Variants in KLRG1 observed in about 807,000 individuals in gnomAD.
KLRG1 encodes killer cell lectin like receptor G1.
A neutral mutation model predicts 21.8 loss-of-function variants in KLRG1; 16 were observed. The observed-to-expected ratio is 0.73, with a 90% CI of 0.50 to 1.11. The LOEUF (loss-of-function observed/expected upper bound fraction) is 1.11, where lower values mean the gene tolerates loss of function less well. Among genes scored for constraint, KLRG1 ranks in the 50% most tolerant of loss-of-function variants. The probability of loss-of-function intolerance (pLI) is 0.00; values close to 1 mark genes in which losing one functional copy is unlikely to be tolerated. For missense variants in KLRG1, 173 were observed against 218.3 expected, an observed-to-expected ratio of 0.79 and a Z score of 1.31; for synonymous variants, 69 against 75.9, an observed-to-expected ratio of 0.91 and a Z score of 0.47.
the KLRG1 span, chr12:9,074,592 G>A: frequency 6.2e-7 from 1 of 1,613,220 alleles, no homozygotes; most frequent in Non-Finnish European, 8.5e-7. Context: ...TGGGCATTCT[G>A]CTGCTTCGTG....
the KLRG1 span, among the ~76,000 whole-genome samples, chr12:9,202,888 C>A: frequency 6.6e-6 from 1 of 152,118 alleles, no homozygotes; most frequent in African/African-American, 2.4e-5. Context: ...GAACCCAGAT[C>A]TCCATGGAGT....
the KLRG1 span, among the ~76,000 whole-genome samples, chr12:9,056,564 G>GT: frequency 0.079 from 7,582 of 96,072 alleles, 213 homozygotes; most frequent in African/African-American, 0.12. Flanking sequence ...TTACTTGGGG[G>GT]GTGTGTGTGT....
the KLRG1 span, among the ~76,000 whole-genome samples, chr12:9,154,214 C>T: frequency 2.0e-5 from 3 of 152,136 alleles, no homozygotes; most frequent in Non-Finnish European, 2.9e-5. Context: ...CTGGAAGTGA[C>T]GTGCTACTGG....
chr12:9,113,015 G>A, the KLRG1 span, among the ~76,000 whole-genome samples: 1 of 151,816 alleles, frequency 6.6e-6, no homozygotes, highest in African/African-American at 2.4e-5. Context: ...ATGTGTTCCT[G>A]TCAGTCCACC....
downstream of KLRG1, among the ~76,000 whole-genome samples, chr12:9,013,471 G>A (rs2137466439): frequency 6.6e-6 from 1 of 152,168 alleles, no homozygotes; most frequent in Admixed American, 6.5e-5. Flanking sequence ...TGAAATTCAA[G>A]GTAACTGTGT....
At chr12:9,212,000 T>C in the KLRG1 span, among the ~76,000 whole-genome samples, 1 of 152,168 alleles carries the variant, frequency 6.6e-6, no homozygotes, top group African/African-American at 2.4e-5. Flanking sequence ...AGTCCACAGA[T>C]TGTAGGCTAG....
the KLRG1 span, chr12:9,076,879 C>T: frequency 5.6e-6 from 9 of 1,612,720 alleles, no homozygotes; most frequent in Middle Eastern, 1.7e-4. Context: ...TGGTCCCCTT[C>T]TTGTGCTGTC....
At chr12:9,149,575 G>A in the KLRG1 span, 1 of 1,613,104 alleles carries the variant, frequency 6.2e-7, no homozygotes, top group Non-Finnish European at 8.5e-7. Context: ...GCTGCAGGGG[G>A]CGATATACTC....
At chr12:8,986,222 C>T (rs770352114), upstream of KLRG1, among the ~76,000 whole-genome samples, 115 of 152,274 alleles carry the variant, frequency 7.6e-4, no homozygotes, top group Middle Eastern at 3.4e-3. Flanking sequence ...GTGGTTCACG[C>T]AGTGAACCCT....
chr12:9,011,430 T>C (rs1805670), downstream of KLRG1, among the ~76,000 whole-genome samples: 35,595 of 152,204 alleles, frequency 0.23, 4,870 homozygotes, highest in East Asian at 0.37. Flanking sequence ...CATTGCACAG[T>C]GGACTTCTTT....
intron 1 of KLRG1, among the ~76,000 whole-genome samples, chr12:8,957,905 G>C (rs1178836435): frequency 1.3e-5 from 2 of 152,144 alleles, no homozygotes; most frequent in Admixed American, 1.3e-4. Flanking sequence ...TCAGACCTCG[G>C]TTGACTACTG....
At position 8,967,446 on chromosome 12, in the gene KLRG1, G is replaced by C. The variant is rs1357557036; in HGVS notation, c.-156+17210G>C. On this transcript the variant is annotated intron_variant, in intron 1 of 4. Coordinates refer to the KLRG1 transcript ENST00000539240. ...TCTAAAAAATTAATAACCAGGCTGG[G>C]CCAGGTGGCTGACACCTGTAATCCC... 2.6e-5 allele frequency among the ~76,000 whole-genome samples: 4 copies of C among 152,090 alleles called. No homozygotes were observed. In the East Asian group the frequency reaches 7.7e-4, roughly 29 times the overall value.
chr12:9,161,834 C>A, the KLRG1 span, among the ~76,000 whole-genome samples: 4 of 152,248 alleles, frequency 2.6e-5, no homozygotes, highest in East Asian at 7.7e-4. Context: ...ATTTTCTACA[C>A]GGAAAACACA....
chr12:9,051,465 C>A, the KLRG1 span, among the ~76,000 whole-genome samples: 35 of 152,274 alleles, frequency 2.3e-4, 1 homozygote, highest in South Asian at 4.8e-3. Context: ...GCGAGCAACC[C>A]TTTCCAGGAG....
chr12:8,981,644 T>C (rs1946756443), intron 1 of KLRG1, among the ~76,000 whole-genome samples: 1 of 152,156 alleles, frequency 6.6e-6, no homozygotes, highest in South Asian at 2.1e-4. Context: ...TATTATATTA[T>C]GGCTGAGTAT....
the KLRG1 span, among the ~76,000 whole-genome samples, chr12:9,032,133 T>C: frequency 1.3e-5 from 2 of 152,252 alleles, no homozygotes; most frequent in East Asian, 1.9e-4. Context: ...TCACCTATGA[T>C]TAATTGATTT....
chr12:9,173,501 T>G, the KLRG1 span, among the ~76,000 whole-genome samples: 1 of 151,568 alleles, frequency 6.6e-6, no homozygotes, highest in African/African-American at 2.4e-5. Flanking sequence ...GATAGAGACA[T>G]GAAAAACCCT....
chr12:8,987,241 C>T (rs1411360554), upstream of KLRG1: 1 of 152,166 alleles, frequency 6.6e-6, no homozygotes, highest in Non-Finnish European at 1.5e-5. Context: ...CTCAGTGTGA[C>T]TGTATTTGGA....
At chr12:9,157,790 G>T in the KLRG1 span, 1 of 1,614,074 alleles carries the variant, frequency 6.2e-7, no homozygotes, top group Non-Finnish European at 8.5e-7. Context: ...GGAATTTCCA[G>T]AAGGGCAATA....
Sources: allele counts gnomAD v4.1 joint callset (sites outside exome capture counted in the v4.1 genomes callset), GRCh38; gene constraint gnomAD v4.1.1; transcripts MANE v1.5; gene names NCBI Gene and HGNC (gene_info 2026-07-23, HGNC 2026-07-21).